CTTNBP2: variants seen among roughly 807,000 people sequenced by gnomAD.
CTTNBP2 encodes cortactin binding protein 2.
In CTTNBP2, 108 loss-of-function variants were observed where a neutral mutation model predicts 156.9. The ratio of observed to expected loss-of-function variants is 0.69; its 90% CI spans 0.59 to 0.81. The LOEUF (loss-of-function observed/expected upper bound fraction) is 0.81. Ranked by LOEUF, CTTNBP2 falls within the 30% of genes least tolerant of loss-of-function variation. The pLI, the probability that CTTNBP2 is intolerant of heterozygous loss-of-function variation, is 0.00. For synonymous variants in CTTNBP2, 767 were observed against 751.8 expected, an observed-to-expected ratio of 1.02 and a Z score of -0.33; for missense variants, 1,924 against 2,035.4, an observed-to-expected ratio of 0.95 and a Z score of 1.05.
chr7:117,828,955 T>C (rs1801449457), intron 2 of CTTNBP2, among the ~76,000 whole-genome samples: 1 of 152,244 alleles, frequency 6.6e-6, no homozygotes, highest in South Asian at 2.1e-4. Context: ...CCAAGACAGA[T>C]GCTAATCATT....
At position 117,791,598 on chromosome 7, in the gene CTTNBP2, C is replaced by A; in HGVS notation, c.1598G>T (p.Gly533Val). Residue 533 changes from glycine (G) to valine (V), a missense_variant, in exon 4 of 23, where the codon GGT becomes GTT. Transcript: ENST00000160373. ...PVGRTSLKTH[G>V]VARVDRGNPP... is the part of the protein sequence containing the mutation. ...ATTTCCTCTGTCAACTCGTGCTACA[C>A]CATGAGTCTTTAAACTGGTCCGACC... The A allele has an allele frequency of 6.2e-7, 1 of 1,614,100 alleles. No individual in the cohort carries two copies. The highest frequency in any genetic ancestry group is 2.2e-5 in the East Asian group (1 of 44,856).
intron 2 of CTTNBP2, among the ~76,000 whole-genome samples, chr7:117,836,434 G>A (rs992950774): frequency 6.6e-6 from 1 of 152,058 alleles, no homozygotes; most frequent in African/African-American, 2.4e-5. Flanking sequence ...CGTGGTGGTG[G>A]GCGCCTGTAG....
intron 3 of CTTNBP2, among the ~76,000 whole-genome samples, chr7:117,797,458 T>C (rs1449064119): frequency 6.6e-6 from 1 of 152,108 alleles, no homozygotes; most frequent in African/African-American, 2.4e-5. Flanking sequence ...AAGTGAATCC[T>C]AGTCTAGAGA....
intron 22 of CTTNBP2, among the ~76,000 whole-genome samples, chr7:117,716,860 G>A (rs981967332): frequency 3.3e-5 from 5 of 152,246 alleles, no homozygotes; most frequent in Non-Finnish European, 5.9e-5. Context: ...GTGAGGGAGC[G>A]GGGCTGTGGG....
At chr7:117,741,343 A>G (rs1180206807) in intron 14 of CTTNBP2, among the ~76,000 whole-genome samples, 1 of 152,244 alleles carries the variant, frequency 6.6e-6, no homozygotes, top group East Asian at 1.9e-4. Flanking sequence ...TCAAGGCCTT[A>G]GCAGATGAAC....
intron 2 of CTTNBP2, among the ~76,000 whole-genome samples, chr7:117,840,281 T>C (rs1802192903): frequency 1.3e-5 from 2 of 151,898 alleles, no homozygotes; most frequent in Non-Finnish European, 2.9e-5. Context: ...TCCAAAAAAG[T>C]TGAAAAGTAA....
chr7:117,727,346 C>T (rs1433492085), intron 17 of CTTNBP2, among the ~76,000 whole-genome samples: 1 of 152,116 alleles, frequency 6.6e-6, no homozygotes, highest in Non-Finnish European at 1.5e-5. Context: ...CAGGTACATG[C>T]CACTATGCCT....
Position 117,837,805 on chromosome 7 carries a change from T to C in CTTNBP2, c.189+23404A>G, listed in dbSNP as rs940860244. Among the ~76,000 whole-genome samples, 7 of 152,152 alleles carry C rather than the reference T, an allele frequency of 4.6e-5. No homozygotes were observed. In the South Asian group the frequency reaches 8.3e-4, roughly 18 times the overall value. ...AAAAAGTTTTGGATTTTGGAGAACT[T>C]TGAATTTCAGATTAGGGATGCTCGA... On this transcript the variant is annotated intron_variant, in intron 2 of 22. Coordinates refer to ENST00000160373, the MANE Select transcript of CTTNBP2 (RefSeq NM_033427.3).
chr7:117,803,831 GA>G, intron 3 of CTTNBP2, among the ~76,000 whole-genome samples: 1 of 152,148 alleles, frequency 6.6e-6, no homozygotes, highest in African/African-American at 2.4e-5. Flanking sequence ...ATTGAAGAAG[GA>G]ACTATATTTT....
At chr7:117,796,225 T>TCAC (rs1315733405) in intron 3 of CTTNBP2, among the ~76,000 whole-genome samples, 1 of 152,224 alleles carries the variant, frequency 6.6e-6, no homozygotes, top group African/African-American at 2.4e-5. Flanking sequence ...CCTCTGGGAC[T>TCAC]CACTCCGTCA....
intron 19 of CTTNBP2, among the ~76,000 whole-genome samples, chr7:117,721,358 G>C (rs1282449127): frequency 6.6e-6 from 1 of 152,194 alleles, no homozygotes; most frequent in Non-Finnish European, 1.5e-5. Context: ...CATTTTGATG[G>C]AACTCGGTAC....
At position 117,767,008 on chromosome 7, in the gene CTTNBP2, G is replaced by A. The variant is rs780548680; in HGVS notation, c.2896+51C>T. 76 of 989,486 alleles carry A rather than the reference G, an allele frequency of 7.7e-5. 1 individual carries two copies. The Middle Eastern group carries it at 8.3e-4, about 11-fold the overall frequency. 61.3% of individuals were successfully genotyped at this position (989,486 alleles called of 1,614,324 possible). ...AATAGTTTTTCCCATTGTACCAGAG[G>A]CCCCAGCAGCATAGGGGAAAGATAA... is the stretch of plus-strand genomic sequence containing the variant. On this transcript the variant is annotated intron_variant, in intron 9 of 22. Coordinates refer to ENST00000160373, the MANE Select transcript of CTTNBP2 (RefSeq NM_033427.3).
At chr7:117,817,387 T>TATATATATATATATATATATATATATAC (rs1563037916) in intron 2 of CTTNBP2, among the ~76,000 whole-genome samples, 1 of 116,110 alleles carries the variant, frequency 8.6e-6, no homozygotes, top group African/African-American at 3.0e-5. Context: ...TATATATATA[T>TATATATATATATATATATATATATATAC]AATTTCATCA....
At chr7:117,781,270 T>C (rs545940035) in intron 6 of CTTNBP2, among the ~76,000 whole-genome samples, 7 of 152,332 alleles carry the variant, frequency 4.6e-5, no homozygotes, top group Admixed American at 4.6e-4. Flanking sequence ...GTAAAATTAG[T>C]TGAGAATAAA....
intron 17 of CTTNBP2, 88 bp from the exon 18 acceptor site, chr7:117,725,345 G>A (rs867731509): frequency 8.0e-7 from 1 of 1,245,468 alleles, no homozygotes; most frequent in Non-Finnish European, 1.2e-6. Flanking sequence ...TGAAGACTAT[G>A]GGGAAAAAAC....
intron 12 of CTTNBP2, among the ~76,000 whole-genome samples, chr7:117,752,466 T>C (rs1298157567): frequency 6.6e-6 from 1 of 152,200 alleles, no homozygotes; most frequent in Non-Finnish European, 1.5e-5. Context: ...CTCAATTGGG[T>C]TGAATATTTC....
chr7:117,871,148 AT>A (rs1222815695), intron 1 of CTTNBP2, among the ~76,000 whole-genome samples: 5 of 152,362 alleles, frequency 3.3e-5, no homozygotes, highest in Admixed American at 3.3e-4. Context: ...AAAATAAAAA[AT>A]ATCAGTCAAC....
intron 2 of CTTNBP2, among the ~76,000 whole-genome samples, chr7:117,814,790 A>C (rs893191351): frequency 6.6e-6 from 1 of 152,228 alleles, no homozygotes; most frequent in Admixed American, 6.5e-5. Context: ...GAAGTATAAA[A>C]TATGTACATT....
At chr7:117,836,434 G>T (rs992950774) in intron 2 of CTTNBP2, among the ~76,000 whole-genome samples, 1 of 152,176 alleles carries the variant, frequency 6.6e-6, no homozygotes, top group African/African-American at 2.4e-5. Context: ...CGTGGTGGTG[G>T]GCGCCTGTAG....
Sources: allele counts gnomAD v4.1 joint callset (sites outside exome capture counted in the v4.1 genomes callset), GRCh38; gene constraint gnomAD v4.1.1; transcripts MANE v1.5; gene names NCBI Gene and HGNC (gene_info 2026-07-23, HGNC 2026-07-21).